Variants in EIF4G3 observed in about 807,000 individuals in gnomAD.
EIF4G3 encodes the protein eIF-4-gamma 3.
Under a neutral mutation model 186.4 loss-of-function variants are expected in EIF4G3, and 34 were observed. The observed-to-expected ratio is 0.18, with a 90% CI of 0.14 to 0.24. The LOEUF is 0.24. Ranked by LOEUF, EIF4G3 falls within the 10% of genes least tolerant of loss-of-function variation. The pLI is 1.00. For synonymous variants in EIF4G3, 673 were observed against 679.5 expected, an observed-to-expected ratio of 0.99 and a Z score of 0.15; for missense variants, 1,536 against 1,948.5, an observed-to-expected ratio of 0.79 and a Z score of 3.99.
intron 16 of EIF4G3, among the ~76,000 whole-genome samples, chr1:20,897,647 G>A (rs1191712747): frequency 1.3e-5 from 2 of 151,988 alleles, no homozygotes; most frequent in Middle Eastern, 3.2e-3. Flanking sequence ...TTATAGACCC[G>A]CTGATGGGTC....
chr1:21,156,062 G>A (rs1018369414), intron 2 of EIF4G3, among the ~76,000 whole-genome samples: 1 of 151,832 alleles, frequency 6.6e-6, no homozygotes, highest in Non-Finnish European at 1.5e-5. Context: ...TGAGGGCAGA[G>A]GCTGCAGCGA....
intron 2 of EIF4G3, among the ~76,000 whole-genome samples, chr1:21,118,664 T>C (rs924209999): frequency 6.6e-6 from 1 of 151,544 alleles, no homozygotes; most frequent in Non-Finnish European, 1.5e-5. Context: ...CGGGTGCCTG[T>C]AATCCCAGCT....
At chr1:21,113,146 CAAAAAAA>C (rs5772939) in intron 2 of EIF4G3, among the ~76,000 whole-genome samples, 1 of 51,464 alleles carries the variant, frequency 1.9e-5, no homozygotes, top group Non-Finnish European at 3.3e-5. Flanking sequence ...GGCCCTATCT[CAAAAAAA>C]AAAAAAAAAA....
chr1:20,900,344 G>C (rs2089861430), intron 15 of EIF4G3, among the ~76,000 whole-genome samples: 1 of 152,090 alleles, frequency 6.6e-6, no homozygotes, highest in African/African-American at 2.4e-5. Flanking sequence ...TTTTTACACT[G>C]TCTTCTGGCT....
chr1:21,130,962 G>T (rs1216584472), intron 2 of EIF4G3, among the ~76,000 whole-genome samples: 2 of 152,106 alleles, frequency 1.3e-5, no homozygotes, highest in East Asian at 3.8e-4. Flanking sequence ...GCCAGGCACG[G>T]TGGCTCATAC....
intron 2 of EIF4G3, among the ~76,000 whole-genome samples, chr1:21,151,301 C>T (rs2097546296): frequency 8.5e-6 from 1 of 117,544 alleles, no homozygotes; most frequent in Non-Finnish European, 1.6e-5. Context: ...TGCAGTGGCA[C>T]GATCTCGGCT....
chr1:21,117,736 T>TAAAAAAAAAAAAAAAAAAAAAAAAAAAA (rs71014156), intron 2 of EIF4G3, among the ~76,000 whole-genome samples: 13 of 73,086 alleles, frequency 1.8e-4, no homozygotes, highest in East Asian at 1.7e-3. Context: ...CAGTATATAG[T>TAAAAAAAAAAAAAAAAAAAAAAAAAAAA]AAAAAAAAAA....
At chr1:20,904,502 T>C (rs1029370156) in intron 15 of EIF4G3, among the ~76,000 whole-genome samples, 3 of 152,054 alleles carry the variant, frequency 2.0e-5, no homozygotes, top group Non-Finnish European at 2.9e-5. Flanking sequence ...TGCGCCACCA[T>C]GTGTGGCTAG....
intron 20 of EIF4G3, among the ~76,000 whole-genome samples, chr1:20,878,405 T>C (rs1032332597): frequency 3.0e-4 from 46 of 152,212 alleles, no homozygotes; most frequent in Admixed American, 1.4e-3. Flanking sequence ...CATTCAGGCA[T>C]TGAGATACTG....
chr1:20,831,977 A>G (rs1348345850), intron 30 of EIF4G3, among the ~76,000 whole-genome samples: 2 of 127,094 alleles, frequency 1.6e-5, no homozygotes, highest in African/African-American at 2.9e-5. Context: ...CATGGTGTAT[A>G]TGTGCCACAT....
chr1:21,054,263 TGAAGGCAGCATGCCCGTTAAGA>T, intron 3 of EIF4G3, among the ~76,000 whole-genome samples: 1 of 150,634 alleles, frequency 6.6e-6, no homozygotes, highest in Non-Finnish European at 1.5e-5. Context: ...AACAGATGCT[TGAAGGCAGCATGCCCGTTAAGA>T]GTCATCACCA....
intron 12 of EIF4G3, among the ~76,000 whole-genome samples, chr1:20,964,774 C>T (rs2154564972): frequency 6.6e-6 from 1 of 152,318 alleles, no homozygotes; most frequent in East Asian, 1.9e-4. Flanking sequence ...TGACCCAAAA[C>T]ACAACATATC....
intron 14 of EIF4G3, among the ~76,000 whole-genome samples, chr1:20,906,092 T>C (rs1323037812): frequency 1.3e-5 from 2 of 152,208 alleles, no homozygotes; most frequent in African/African-American, 4.8e-5. Flanking sequence ...GTCTTCTTTG[T>C]TATACACATC....
intron 3 of EIF4G3, among the ~76,000 whole-genome samples, chr1:21,081,363 G>T (rs1255545459): frequency 6.6e-6 from 1 of 152,186 alleles, no homozygotes; most frequent in Non-Finnish European, 1.5e-5. Context: ...AACCTGGGAG[G>T]CGGAGGTTGC....
chr1:21,112,031 AG>A (rs1488068709), intron 2 of EIF4G3, among the ~76,000 whole-genome samples: 1 of 152,206 alleles, frequency 6.6e-6, no homozygotes, highest in Non-Finnish European at 1.5e-5. Flanking sequence ...CCAGCTATGA[AG>A]GAAAATTATG....
chr1:21,050,442 C>CA (rs2094142459), intron 4 of EIF4G3, among the ~76,000 whole-genome samples: 1 of 152,104 alleles, frequency 6.6e-6, no homozygotes, highest in Non-Finnish European at 1.5e-5. Flanking sequence ...AACCAACAAA[C>CA]AAAAAATCCC....
intron 3 of EIF4G3, chr1:21,064,639 T>G (rs937199707): frequency 6.6e-6 from 1 of 152,200 alleles, no homozygotes; most frequent in Non-Finnish European, 1.5e-5. Flanking sequence ...CAGTTAGGAA[T>G]GACTGTCTTG....
chr1:20,977,622 G>C (rs1166694933), intron 10 of EIF4G3, among the ~76,000 whole-genome samples: 1 of 152,148 alleles, frequency 6.6e-6, no homozygotes, highest in East Asian at 1.9e-4. Flanking sequence ...ATGTCTACTG[G>C]ATCTGCATGA....
chr1:21,024,634 G>C (rs926043929), intron 4 of EIF4G3, among the ~76,000 whole-genome samples: 5 of 150,180 alleles, frequency 3.3e-5, no homozygotes, highest in African/African-American at 1.2e-4. Context: ...GTCCACTCAG[G>C]GTTAAATGGA....
Sources: gnomAD v4.1 joint callset for allele counts (sites outside exome capture counted in the v4.1 genomes callset) on GRCh38, gnomAD v4.1.1 for gene constraint, MANE v1.5 for transcripts, NCBI Gene and HGNC (gene_info 2026-07-23, HGNC 2026-07-21) for gene names.